The following UHRF1 variants were observed in gnomAD, a reference collection of about 807,000 sequenced individuals.
UHRF1 encodes ubiquitin like with PHD and ring finger domains 1.
UHRF1 carries 9 observed loss-of-function variants against 96.5 expected under a neutral mutation model. The observed-to-expected ratio is 0.09, with a 90% CI of 0.06 to 0.16. UHRF1 has a LOEUF of 0.16. Ranked by LOEUF, UHRF1 falls within the 10% of genes least tolerant of loss-of-function variation. The probability of loss-of-function intolerance (pLI) is 1.00; values close to 1 mark genes in which losing one functional copy is unlikely to be tolerated. For synonymous variants in UHRF1, 455 were observed against 469.9 expected, an observed-to-expected ratio of 0.97 and a Z score of 0.41; for missense variants, 626 against 1,131.1, an observed-to-expected ratio of 0.55 and a Z score of 6.40.
intron 2 of UHRF1, among the ~76,000 whole-genome samples, chr19:4,918,802 C>T (rs1337953526): frequency 2.7e-5 from 4 of 149,850 alleles, no homozygotes; most frequent in Admixed American, 6.7e-5. Context: ...CTCACTGCAG[C>T]CTCGAATTCC....
In UHRF1 at chr19:4,954,925, C is replaced by A; in HGVS notation, c.2130+103C>A. ...CCCATTTTCAAGTGTACAGCTCAGTCGCACTGAGTACATTCTTGTGGTTGT... is the reference window on the plus strand; with the variant it reads ...CCCATTTTCAAGTGTACAGCTCAGTAGCACTGAGTACATTCTTGTGGTTGT... On this transcript the variant is annotated intron_variant, in intron 15 of 16. Transcript: ENST00000650932. This position sits in a 1 kb window ranked among gnomAD's most constrained non-coding sequence, Gnocchi z 5.9. The A allele has an allele frequency of 4.3e-6, 6 of 1,395,258 alleles. No individual in the cohort carries two copies. Among genetic ancestry groups the A allele is most frequent in the Non-Finnish European group, 6.0e-6 (6 of 1,008,346 alleles). The allele number at this position is 1,395,258 out of a possible 1,614,324, so 86.4% of individuals were successfully genotyped here. A position where few individuals can be genotyped will look rare whatever the true frequency, so the allele number is the denominator to read the frequency against.
chr19:4,915,355 C>T (rs906983549), intron 2 of UHRF1, among the ~76,000 whole-genome samples: 8 of 152,146 alleles, frequency 5.3e-5, no homozygotes, highest in African/African-American at 1.2e-4. Flanking sequence ...GTTGTGGCCC[C>T]GAAGCAGCTG....
chr19:4,951,963 T>C (rs1456227898), intron 13 of UHRF1, among the ~76,000 whole-genome samples: 1 of 152,218 alleles, frequency 6.6e-6, no homozygotes, highest in African/African-American at 2.4e-5. Flanking sequence ...CCTGATGTCC[T>C]CTACCCGAGG....
chr19:4,921,387 C>T (rs1426911105), intron 2 of UHRF1, among the ~76,000 whole-genome samples: 1 of 151,958 alleles, frequency 6.6e-6, no homozygotes, highest in East Asian at 1.9e-4. Context: ...TGCAGTGAGC[C>T]GAGATTACAC....
At position 4,954,226 on chromosome 19, in the gene UHRF1, T is replaced by C. The variant is rs1173556323; in HGVS notation, c.1819-124T>C. 3.5e-6 allele frequency: 5 copies of C among 1,435,330 alleles called. No homozygotes were observed. Among genetic ancestry groups the C allele is most frequent in the East Asian group, 2.5e-5 (1 of 40,020 alleles). The allele number at this position is 1,435,330 out of a possible 1,614,324, so 88.9% of individuals were successfully genotyped here. A position where few individuals can be genotyped will look rare whatever the true frequency, so the allele number is the denominator to read the frequency against. On this transcript the variant is annotated intron_variant, in intron 13 of 16. Transcript: ENST00000650932. The surrounding 1 kb of genome is among the most constrained non-coding windows in gnomAD (Gnocchi z 5.9). ...GATAAGGGAGGACTACCCTGTGCTC[T>C]TCAGGGGGATTGGGGGTCAGGTGTG...
At position 4,918,715 on chromosome 19, in the gene UHRF1, GTTTTTTTT is replaced by G. The variant is rs536401524; in HGVS notation, c.153+7694_153+7701del. 3.5e-5 allele frequency among the ~76,000 whole-genome samples: 4 copies of G among 115,314 alleles called. No individual in the cohort carries two copies. The East Asian group carries it at 7.3e-4, about 21-fold the overall frequency. The allele number at this position is 115,314 out of a possible 152,430, so 75.7% of individuals were successfully genotyped here. On this transcript the variant is annotated intron_variant, in intron 2 of 16. Coordinates refer to ENST00000650932, the MANE Select transcript of UHRF1 (RefSeq NM_001048201.3). Reference sequence around the variant, plus strand: ...AGGCGTGAGCTACTGTGCCCAGCTGGTTTTTTTTTTTTTTTTTTTTTTTTAGACAGGCT... The same window carrying G: ...AGGCGTGAGCTACTGTGCCCAGCTGGTTTTTTTTTTTTTTTTAGACAGGCT...
intron 2 of UHRF1, among the ~76,000 whole-genome samples, chr19:4,926,204 C>T (rs2032865454): frequency 6.6e-6 from 1 of 152,158 alleles, no homozygotes; most frequent in Admixed American, 6.6e-5. Context: ...TCAATCCCCT[C>T]ACCTGTTGAT....
At position 4,929,263 on chromosome 19, in the gene UHRF1, G is replaced by A. The variant is rs575948527; in HGVS notation, c.195G>A (p.Leu65=). The A allele has an allele frequency of 6.2e-7, 1 of 1,613,844 alleles. No individual in the cohort carries two copies. The highest frequency in any genetic ancestry group is 8.5e-7 in the Non-Finnish European group (1 of 1,179,908). Reference sequence around the variant, plus strand: ...CCCTCTTCGACTACGAGGTCCGCCTGAATGACACCATCCAGCTCCTGGTCC... The same window carrying A: ...CCCTCTTCGACTACGAGGTCCGCCTAAATGACACCATCCAGCTCCTGGTCC... ...GHTLFDYEVR[L]NDTIQLLVRQ... The change falls in exon 3 of 17, where the codon CTG becomes CTA. Residue 65 remains leucine (L), a synonymous_variant. Transcript: ENST00000650932.
At chr19:4,917,412 T>TTGG (rs2032557222) in intron 2 of UHRF1, among the ~76,000 whole-genome samples, 2 of 151,524 alleles carry the variant, frequency 1.3e-5, no homozygotes, top group African/African-American at 4.8e-5. Context: ...TCCCAGCACT[T>TTGG]TGGGAGGCTG....
upstream of UHRF1, chr19:4,909,304 C>T (rs960877880): frequency 5.7e-5 from 31 of 546,462 alleles, no homozygotes; most frequent in African/African-American, 4.3e-4. Context: ...GCTGGGCGCG[C>T]CCAGCAGAGC....
intron 5 of UHRF1, among the ~76,000 whole-genome samples, chr19:4,936,204 G>C (rs1320658962): frequency 6.6e-6 from 1 of 152,186 alleles, no homozygotes; most frequent in Non-Finnish European, 1.5e-5. Flanking sequence ...GATGCAGTGA[G>C]AGGGTCACGC....
rs1042450800 is a variant in UHRF1, at chr19:4,909,885, G to A, written c.-11+230G>A. The A allele has an allele frequency of 1.9e-5, 7 of 375,864 alleles. No homozygotes were observed. The East Asian group carries it at 2.7e-4, about 15-fold the overall frequency. The allele number at this position is 375,864 out of a possible 1,614,324, so 23.3% of individuals were successfully genotyped here. ...CGGAGCCCGGCGGGGGGTCGAGCGCGCCGGGTGGGGGAGGGCCTGGCGAGC... is the reference window on the plus strand; with the variant it reads ...CGGAGCCCGGCGGGGGGTCGAGCGCACCGGGTGGGGGAGGGCCTGGCGAGC... On this transcript the variant is annotated intron_variant, in intron 1 of 16. Transcript: ENST00000650932.
chr19:4,955,820 C>T (rs891093364), intron 15 of UHRF1, among the ~76,000 whole-genome samples: 9 of 152,234 alleles, frequency 5.9e-5, no homozygotes, highest in Middle Eastern at 3.4e-3. Flanking sequence ...TTTTTGGTGA[C>T]AGGAGCTCAC....
intron 2 of UHRF1, among the ~76,000 whole-genome samples, chr19:4,920,257 C>G (rs2032661287): frequency 6.6e-6 from 1 of 152,102 alleles, no homozygotes; most frequent in African/African-American, 2.4e-5. Flanking sequence ...CATGGTGAAA[C>G]CTCGTCTCTA....
Position 4,946,064 on chromosome 19 carries a change from A to G in UHRF1, c.1410+99A>G, listed in dbSNP as rs1043156676. ...AATTTCCCATCCTAGCCGTTTTTAA[A>G]TGCTTGGTTCCCGGTGGCGTGAAGT... On this transcript the variant is annotated intron_variant, in intron 10 of 16. Transcript: ENST00000650932. 6 of 909,930 alleles carry G rather than the reference A, an allele frequency of 6.6e-6. No individual in the cohort carries two copies. The African/African-American group carries it at 6.9e-5, about 10-fold the overall frequency. 56.4% of individuals were successfully genotyped at this position (909,930 alleles called of 1,614,324 possible).
chr19:4,932,669 T>A, intron 4 of UHRF1, 72 bp from the exon 5 acceptor site: 1 of 1,552,266 alleles, frequency 6.4e-7, no homozygotes. Context: ...CCGTCCCACC[T>A]CGGCTCGTTT....
chr19:4,911,132 C>T (rs550475658), intron 2 of UHRF1, 94 bp downstream of exon 2: 9 of 1,266,450 alleles, frequency 7.1e-6, no homozygotes, highest in South Asian at 3.3e-5. Context: ...CACCTCCCCC[C>T]CCAACAACCT....
At chr19:4,909,864 G>T (rs1056908829) in intron 1 of UHRF1, 3 of 381,234 alleles carry the variant, frequency 7.9e-6, no homozygotes, top group Non-Finnish European at 1.4e-5. Flanking sequence ...CGTCCCCGGA[G>T]CCCGGCGGGG....
At chr19:4,942,496 C>T (rs1323925127) in intron 7 of UHRF1, among the ~76,000 whole-genome samples, 3 of 150,442 alleles carry the variant, frequency 2.0e-5, no homozygotes, top group Non-Finnish European at 3.0e-5. Flanking sequence ...AGCCTTGAGA[C>T]GGAGTCTAAT....
Sources: gnomAD v4.1 joint callset for allele counts (sites outside exome capture counted in the v4.1 genomes callset) on GRCh38, gnomAD v4.1.1 for gene constraint, Gnocchi (gnomAD v3.1) non-coding constraint, MANE v1.5 for transcripts, NCBI Gene and HGNC (gene_info 2026-07-23, HGNC 2026-07-21) for gene names.